The following TSPAN32 variants were observed in gnomAD, a reference collection of about 807,000 sequenced individuals.
The protein encoded by TSPAN32 is tetraspanin 32, also known as tetraspanin-32.
A neutral mutation model predicts 42.7 loss-of-function variants in TSPAN32; 47 were observed. The observed-to-expected ratio is 1.10, with a 90% CI of 0.87 to 1.40. The LOEUF (loss-of-function observed/expected upper bound fraction) is 1.40. TSPAN32 is among the 40% of genes most tolerant of loss of function. TSPAN32 has a pLI of 0.00. For synonymous variants in TSPAN32, 175 were observed against 175.9 expected, an observed-to-expected ratio of 0.99 and a Z score of 0.04; for missense variants, 469 against 424.1, an observed-to-expected ratio of 1.11 and a Z score of -0.93.
rs765093736 is a variant in TSPAN32, at chr11:2,316,394, C to T, written c.627+82C>T. The T allele has an allele frequency of 1.5e-5, 23 of 1,545,382 alleles. No individual in the cohort carries two copies. In the African/African-American group the frequency reaches 2.7e-4, roughly 18 times the overall value. ...GCCCCCGACTCAGATGGAAGGGTGA[C>T]CCGGGACAGGATCTCTGGTCTTGAG... On this transcript the variant is annotated intron_variant, in intron 7 of 9. Coordinates refer to ENST00000182290, the MANE Select transcript of TSPAN32 (RefSeq NM_139022.3).
At chr11:2,309,284 C>T (rs1301151548) in intron 4 of TSPAN32, 4 of 456,050 alleles carry the variant, frequency 8.8e-6, no homozygotes, top group Non-Finnish European at 1.9e-5. Context: ...GACCCGCGGA[C>T]TGGGGTGTCG....
intron 1 of TSPAN32, 50 bp downstream of exon 1, chr11:2,302,265 G>A: frequency 7.4e-7 from 1 of 1,353,398 alleles, no homozygotes; most frequent in Non-Finnish European, 9.6e-7. Flanking sequence ...GTGAGCAGGG[G>A]TGAGGGGTGG....
In TSPAN32 at chr11:2,316,273, G is replaced by T. The variant is rs369033190; in HGVS notation, c.588G>T (p.Gln196His). 6 of 1,603,780 alleles carry T rather than the reference G, an allele frequency of 3.7e-6. No individual in the cohort carries two copies. Among genetic ancestry groups the T allele is most frequent in the Admixed American group, 1.7e-5 (1 of 59,120 alleles). Reference protein sequence around the residue: ...GIRSFLRTHQQVASSLTSIGL... With the variant: ...GIRSFLRTHQHVASSLTSIGL... Reference sequence around the variant, plus strand: ...GGAGCTTCCTGAGGACACACCAGCAGGTCGCCTCCAGCCTGACCAGCATCG... The same window carrying T: ...GGAGCTTCCTGAGGACACACCAGCATGTCGCCTCCAGCCTGACCAGCATCG... The change falls in exon 7 of 10, where the codon CAG (glutamine) becomes CAT (histidine). Residue 196 changes from glutamine to histidine, a missense_variant. Coordinates refer to ENST00000182290, the MANE Select transcript of TSPAN32 (RefSeq NM_139022.3).
intron 4 of TSPAN32, among the ~76,000 whole-genome samples, chr11:2,309,832 G>A (rs1364804913): frequency 6.6e-6 from 1 of 152,144 alleles, no homozygotes; most frequent in African/African-American, 2.4e-5. Flanking sequence ...CAGGCCCTCT[G>A]GGGGTGGGGG....
rs1444627471 is a variant in TSPAN32, at chr11:2,302,990, A to AG, written c.181+36dup. ...GAGGTCCAGGCCTGGCTGCATCGGGAGGGGCCTCGGGTGCAAGGGTGGCTG... is the reference window on the plus strand; with the variant it reads ...GAGGTCCAGGCCTGGCTGCATCGGGAGGGGGCCTCGGGTGCAAGGGTGGCTG... On this transcript the variant is annotated intron_variant, in intron 2 of 9. Transcript: ENST00000182290. The AG allele has an allele frequency of 4.4e-6, 7 of 1,588,350 alleles. No homozygotes were observed. The Admixed American group carries it at 8.4e-5, about 19-fold the overall frequency.
chr11:2,308,939 G>C, intron 4 of TSPAN32, 129 bp downstream of exon 4: 1 of 670,628 alleles, frequency 1.5e-6, no homozygotes, highest in South Asian at 1.9e-5. Context: ...GGTGGGGTGG[G>C]GGAGACCGCA....
rs994112060 is a variant in TSPAN32, at chr11:2,317,607, C to T, written c.901+82C>T. The T allele has an allele frequency of 2.0e-6, 3 of 1,503,578 alleles. No homozygotes were observed. The highest frequency in any genetic ancestry group is 2.7e-6 in the Non-Finnish European group (3 of 1,130,390). 93.1% of individuals were successfully genotyped at this position (1,503,578 alleles called of 1,614,324 possible). On this transcript the variant is annotated intron_variant, in intron 9 of 9. Coordinates refer to ENST00000182290, the MANE Select transcript of TSPAN32 (RefSeq NM_139022.3). The surrounding 1 kb of genome is among the most constrained non-coding windows in gnomAD (Gnocchi z 6.2). ...GTGAGGAGGGAAGGGAGTGAAGGCC[C>T]AGCCAGAGAGCCAGGCTCCATTGGG...
rs117035209 is a variant in TSPAN32 at position 2,313,958 on chromosome 11, G to A, written c.456+203G>A. On this transcript the variant is annotated intron_variant, in intron 5 of 9. Transcript: ENST00000182290. The surrounding 1 kb of genome is among the most constrained non-coding windows in gnomAD (Gnocchi z 9.1). ...GGACAAGGCCGCCTACCAGATTCTCGAGGCCCAGTGCAAAACGAGAGGGCA... is the reference window on the plus strand; with the variant it reads ...GGACAAGGCCGCCTACCAGATTCTCAAGGCCCAGTGCAAAACGAGAGGGCA... Among the ~76,000 whole-genome samples, 241 of 152,138 alleles carry A rather than the reference G, an allele frequency of 1.6e-3. 1 individual carries two copies. Among genetic ancestry groups the A allele is most frequent in the Non-Finnish European group, 2.6e-3 (174 of 68,004 alleles).
chr11:2,311,886 G>GC (rs370602607), intron 4 of TSPAN32, among the ~76,000 whole-genome samples: 1 of 152,352 alleles, frequency 6.6e-6, no homozygotes, highest in African/African-American at 2.4e-5. Flanking sequence ...AGGAGCCCAG[G>GC]CCCCGTGGAG....
intron 6 of TSPAN32, chr11:2,315,514 C>A (rs1268696130): frequency 8.6e-7 from 1 of 1,159,160 alleles, no homozygotes; most frequent in African/African-American, 1.6e-5. Flanking sequence ...ATGGGCCCGA[C>A]TGCAAAGCCT....
rs74048261 is a variant in TSPAN32 at position 2,314,330 on chromosome 11, G to A, written c.457-155G>A. On this transcript the variant is annotated intron_variant, in intron 5 of 9. Coordinates refer to ENST00000182290, the MANE Select transcript of TSPAN32 (RefSeq NM_139022.3). The stretch of plus-strand genomic sequence containing the variant: ...AGGGCCCGGCTGTGCAATGGCTGGA[G>A]CCCCAGCAGAAGCAGCTGCAATACC... Among the ~76,000 whole-genome samples, 1,214 of 152,262 alleles carry A rather than the reference G, an allele frequency of 8.0e-3. 17 individuals are homozygous for A. Among genetic ancestry groups the A allele is most frequent in the African/African-American group, 0.028 (1,147 of 41,544 alleles).
rs945549542 is a variant in TSPAN32 at position 2,304,934 on chromosome 11, G to A, written c.279+730G>A. ...CCAGCTGGGGCAGCTCCTCCCTGGC[G>A]CCCCGGGCTCCCACCTGTCCCTCTA... On this transcript the variant is annotated intron_variant, in intron 3 of 9. Transcript: ENST00000182290. The surrounding 1 kb of genome is among the most constrained non-coding windows in gnomAD (Gnocchi z 4.8). Among the ~76,000 whole-genome samples the A allele has an allele frequency of 2.0e-5, 3 of 152,072 alleles. No homozygotes were observed. Among genetic ancestry groups the A allele is most frequent in the Non-Finnish European group, 2.9e-5 (2 of 68,004 alleles).
Position 2,313,523 on chromosome 11 carries a change from C to T in TSPAN32, c.355-131C>T. On this transcript the variant is annotated intron_variant, in intron 4 of 9. Transcript: ENST00000182290. This position sits in a 1 kb window ranked among gnomAD's most constrained non-coding sequence, Gnocchi z 9.1. ...GTTCCGCTTTGGGGAGATCCACCTGCTACAAGGAGGGCAGTGCTGGGACGT... is the reference window on the plus strand; with the variant it reads ...GTTCCGCTTTGGGGAGATCCACCTGTTACAAGGAGGGCAGTGCTGGGACGT... 1 of 678,672 alleles carries T rather than the reference C, an allele frequency of 1.5e-6. No individual in the cohort carries two copies. Among genetic ancestry groups the T allele is most frequent in the Non-Finnish European group, 2.5e-6 (1 of 403,934 alleles). 42.0% of individuals were successfully genotyped at this position (678,672 alleles called of 1,614,324 possible). A position where few individuals can be genotyped will look rare whatever the true frequency, so the allele number is the denominator to read the frequency against.
rs370656321 is a variant in TSPAN32 at position 2,313,199 on chromosome 11, G to C, written c.355-455G>C. Among the ~76,000 whole-genome samples, 7 of 152,278 alleles carry C rather than the reference G, an allele frequency of 4.6e-5. No homozygotes were observed. The highest frequency in any genetic ancestry group is 1.7e-4 in the African/African-American group (7 of 41,554). On this transcript the variant is annotated intron_variant, in intron 4 of 9. Coordinates refer to ENST00000182290, the MANE Select transcript of TSPAN32 (RefSeq NM_139022.3). The surrounding 1 kb of genome is among the most constrained non-coding windows in gnomAD (Gnocchi z 9.1). ...GCCCGGGCTTCCAGAAGGCAGCCGG[G>C]TGATTCTTGGGAAAGATCTAGAATC...
intron 6 of TSPAN32, chr11:2,315,489 T>C: frequency 8.7e-7 from 1 of 1,150,046 alleles, no homozygotes; most frequent in Non-Finnish European, 1.1e-6. Context: ...CGAGCACCCT[T>C]GGGATGGCAG....
Position 2,304,274 on chromosome 11 carries a change from G to T in TSPAN32, c.279+70G>T. The T allele has an allele frequency of 6.8e-6, 8 of 1,173,838 alleles. No individual in the cohort carries two copies. Among genetic ancestry groups the T allele is most frequent in the Non-Finnish European group, 9.4e-6 (8 of 850,870 alleles). 72.7% of individuals were successfully genotyped at this position (1,173,838 alleles called of 1,614,324 possible). On this transcript the variant is annotated intron_variant, in intron 3 of 9. Coordinates refer to ENST00000182290, the MANE Select transcript of TSPAN32 (RefSeq NM_139022.3). The surrounding 1 kb of genome is among the most constrained non-coding windows in gnomAD (Gnocchi z 4.8). ...TTAGAAAGGAGTGAAGAGCTGGCAG[G>T]GCTGTGTGCCACCCCCACACCTGAG...
At chr11:2,316,695 C>T in intron 8 of TSPAN32, 28 bp downstream of exon 8, 1 of 1,514,196 alleles carries the variant, frequency 6.6e-7, no homozygotes, top group Non-Finnish European at 8.8e-7. Flanking sequence ...CCCCCACACC[C>T]TCTGGAAGGG....
chr11:2,317,744 A>G lies in TSPAN32; in HGVS notation c.902-119A>G, dbSNP rs1037014393. The stretch of plus-strand genomic sequence containing the variant: ...AGCAGCCCAGGGCAGACTGCAAGAC[A>G]CTGGTGGCCCACGGCCTGGAGGGCT... On this transcript the variant is annotated intron_variant, in intron 9 of 9. Coordinates refer to ENST00000182290, the MANE Select transcript of TSPAN32 (RefSeq NM_139022.3). The surrounding 1 kb of genome is among the most constrained non-coding windows in gnomAD (Gnocchi z 6.2). 3 of 1,523,736 alleles carry G rather than the reference A, an allele frequency of 2.0e-6. No individual in the cohort carries two copies. The highest frequency in any genetic ancestry group is 1.4e-5 in the African/African-American group (1 of 71,818). The allele number at this position is 1,523,736 out of a possible 1,614,324, so 94.4% of individuals were successfully genotyped here. A position where few individuals can be genotyped will look rare whatever the true frequency, so the allele number is the denominator to read the frequency against.
At chr11:2,315,879 C>G in intron 6 of TSPAN32, 5 of 1,422,760 alleles carry the variant, frequency 3.5e-6, no homozygotes, top group Non-Finnish European at 4.7e-6. Flanking sequence ...GTGCTGTGCC[C>G]GGCCCTGGGC....
Sources: gnomAD v4.1 joint callset for allele counts (sites outside exome capture counted in the v4.1 genomes callset) on GRCh38, gnomAD v4.1.1 for gene constraint, Gnocchi (gnomAD v3.1) non-coding constraint, MANE v1.5 for transcripts, NCBI Gene and HGNC (gene_info 2026-07-23, HGNC 2026-07-21) for gene names.